The following FHIP1A variants were observed in gnomAD, a reference collection of about 807,000 sequenced individuals.
FHIP1A encodes the protein FHF complex subunit HOOK-interacting protein 1A.
A neutral mutation model predicts 88.6 loss-of-function variants in FHIP1A; 61 were observed. The observed-to-expected ratio is 0.69, with a 90% confidence interval of 0.56 to 0.85. FHIP1A has a LOEUF of 0.85. Ranked by LOEUF, FHIP1A falls within the 40% of genes least tolerant of loss-of-function variation. The probability of loss-of-function intolerance (pLI) is 0.00; values close to 1 mark genes in which losing one functional copy is unlikely to be tolerated. For missense variants in FHIP1A, 1,154 were observed against 1,273.5 expected, an observed-to-expected ratio of 0.91 and a Z score of 1.43; for synonymous variants, 478 against 496.0, an observed-to-expected ratio of 0.96 and a Z score of 0.48.
rs2126937977 is a variant in FHIP1A at position 151,664,830 on chromosome 4, A to T, written c.*2076A>T. On this transcript the variant is annotated 3_prime_UTR_variant, in exon 14 of 14. Transcript: ENST00000435205. ...TGTAGTTTGATTTACACCTTTCTCCATTATCTGGTGGTGGTGTTGATTCTT... is the reference window on the plus strand; with the variant it reads ...TGTAGTTTGATTTACACCTTTCTCCTTTATCTGGTGGTGGTGTTGATTCTT... 6.6e-6 allele frequency among the ~76,000 whole-genome samples: 1 copy of T among 152,194 alleles called. No homozygotes were observed. The highest frequency in any genetic ancestry group is 2.4e-5 in the African/African-American group (1 of 41,510).
At position 151,666,881 on chromosome 4, in the gene FHIP1A, G is replaced by C. The variant is rs1452893872; in HGVS notation, c.*4127G>C. Among the ~76,000 whole-genome samples, 3 of 152,206 alleles carry C rather than the reference G, an allele frequency of 2.0e-5. No individual in the cohort carries two copies. Among genetic ancestry groups the C allele is most frequent in the African/African-American group, 4.8e-5 (2 of 41,438 alleles). Reference sequence around the variant, plus strand: ...CTTGACATAATAGTTTTGGTAAACTGTCTTTATCTGGCTGCACCCCCTTTT... The same window carrying C: ...CTTGACATAATAGTTTTGGTAAACTCTCTTTATCTGGCTGCACCCCCTTTT... On this transcript the variant is annotated 3_prime_UTR_variant, in exon 14 of 14. Transcript: ENST00000435205.
intron 2 of FHIP1A, among the ~76,000 whole-genome samples, chr4:151,466,740 C>G (rs1729327786): frequency 6.6e-6 from 1 of 152,156 alleles, no homozygotes; most frequent in South Asian, 2.1e-4. Context: ...AAAAGATCCC[C>G]TACTTAATAA....
rs529750088 is a variant in FHIP1A at position 151,409,197 on chromosome 4, C to A, written c.-624C>A. The A allele has an allele frequency of 1.3e-5, 2 of 151,446 alleles. No individual in the cohort carries two copies. Among genetic ancestry groups the A allele is most frequent in the African/African-American group, 4.8e-5 (2 of 41,348 alleles). The allele number at this position is 151,446 out of a possible 1,614,324, so 9.4% of individuals were successfully genotyped here. ...AGGCAGTGACCCACGCGCCTCAGCC[C>A]GCGGCTGACGCACCTTCGAAAAGTT... is the stretch of plus-strand genomic sequence containing the variant. On this transcript the variant is annotated 5_prime_UTR_variant, in exon 1 of 14. Coordinates refer to ENST00000435205, the MANE Select transcript of FHIP1A (RefSeq NM_001109977.3).
At chr4:151,570,452 C>G (rs1452617509) in intron 4 of FHIP1A, among the ~76,000 whole-genome samples, 1 of 144,960 alleles carries the variant, frequency 6.9e-6, no homozygotes, top group Non-Finnish European at 1.6e-5. Flanking sequence ...AATTTAATTA[C>G]TTATATTTTT....
chr4:151,619,292 A>C (rs181943650), intron 7 of FHIP1A, among the ~76,000 whole-genome samples: 1 of 152,340 alleles, frequency 6.6e-6, no homozygotes, highest in East Asian at 1.9e-4. Context: ...TTAACTTAAA[A>C]AATTAAATGT....
At chr4:151,653,024 A>G (rs1737089416) in intron 11 of FHIP1A, among the ~76,000 whole-genome samples, 1 of 152,210 alleles carries the variant, frequency 6.6e-6, no homozygotes, top group African/African-American at 2.4e-5. Flanking sequence ...GGTTGGTGCC[A>G]GGAAAAACAA....
intron 7 of FHIP1A, among the ~76,000 whole-genome samples, chr4:151,591,124 G>C (rs1179909928): frequency 1.3e-5 from 2 of 151,264 alleles, no homozygotes; most frequent in Non-Finnish European, 2.9e-5. Flanking sequence ...AGGATGAATA[G>C]GGTTAGGGAC....
At chr4:151,414,117 C>T (rs1732792993) in intron 1 of FHIP1A, among the ~76,000 whole-genome samples, 1 of 151,744 alleles carries the variant, frequency 6.6e-6, no homozygotes. Flanking sequence ...GTGGTGCAAT[C>T]TCGGCTCACT....
chr4:151,530,523 A>C (rs1393994829), intron 3 of FHIP1A, among the ~76,000 whole-genome samples: 2 of 152,200 alleles, frequency 1.3e-5, no homozygotes, highest in Middle Eastern at 3.2e-3. Flanking sequence ...AAGAGAAGGC[A>C]AGTTTTCTGT....
chr4:151,564,989 C>T (rs1733327170), intron 3 of FHIP1A, among the ~76,000 whole-genome samples: 2 of 152,146 alleles, frequency 1.3e-5, no homozygotes, highest in Non-Finnish European at 1.5e-5. Context: ...CCCACTTTCT[C>T]CCATCTTACT....
At position 151,477,240 on chromosome 4, in the gene FHIP1A, C is replaced by T. The variant is rs371803158; in HGVS notation, c.-247-5284C>T. 1.6e-4 allele frequency among the ~76,000 whole-genome samples: 24 copies of T among 152,278 alleles called. 1 individual carries two copies. Among genetic ancestry groups the T allele is most frequent in the Admixed American group, 1.1e-3 (17 of 15,282 alleles). On this transcript the variant is annotated intron_variant, in intron 2 of 13. Coordinates refer to ENST00000435205, the MANE Select transcript of FHIP1A (RefSeq NM_001109977.3). ...TGGTATTGCCAGATACCATATTTAG[C>T]ATACAATAAAGGTGGTATTTCAAAT...
chr4:151,544,692 C>T (rs1732419560), intron 3 of FHIP1A, among the ~76,000 whole-genome samples: 2 of 152,068 alleles, frequency 1.3e-5, no homozygotes, highest in Admixed American at 6.6e-5. Flanking sequence ...GGCTGTGTGG[C>T]CTTTCCCCTC....
At chr4:151,583,530 C>A (rs1163584037) in intron 5 of FHIP1A, among the ~76,000 whole-genome samples, 1 of 152,168 alleles carries the variant, frequency 6.6e-6, no homozygotes, top group Non-Finnish European at 1.5e-5. Context: ...ATTACTGTCA[C>A]TGATGTATGT....
Position 151,474,041 on chromosome 4 carries a change from T to C in FHIP1A, c.-247-8483T>C, listed in dbSNP as rs547833841. Among the ~76,000 whole-genome samples, 3 of 152,338 alleles carry C rather than the reference T, an allele frequency of 2.0e-5. No homozygotes were observed. The South Asian group carries it at 6.2e-4, about 32-fold the overall frequency. ...GGTTGATGTATTTTAAGCAGTTGAA[T>C]ATATTTTCCATAAATTTTACTGCTT... On this transcript the variant is annotated intron_variant, in intron 2 of 13. Transcript: ENST00000435205.
chr4:151,578,511 T>A (rs115231137), intron 5 of FHIP1A, among the ~76,000 whole-genome samples: 307 of 152,270 alleles, frequency 2.0e-3, no homozygotes, highest in Admixed American at 3.3e-3. Context: ...CCACTAGTTT[T>A]AGTGTATTTT....
chr4:151,614,153 A>G (rs1735426762), intron 7 of FHIP1A, among the ~76,000 whole-genome samples: 1 of 136,212 alleles, frequency 7.3e-6, no homozygotes, highest in Admixed American at 7.8e-5. Flanking sequence ...ACAGAGCAAG[A>G]CTCCATCTCA....
At chr4:151,473,402 G>A (rs1729595088) in intron 2 of FHIP1A, among the ~76,000 whole-genome samples, 1 of 151,676 alleles carries the variant, frequency 6.6e-6, no homozygotes, top group African/African-American at 2.4e-5. Flanking sequence ...CTGAACTGGT[G>A]CAGTTGTCAT....
At chr4:151,456,194 T>G (rs1728961918) in intron 2 of FHIP1A, among the ~76,000 whole-genome samples, 1 of 152,206 alleles carries the variant, frequency 6.6e-6, no homozygotes, top group Non-Finnish European at 1.5e-5. Context: ...TATTAGAAAA[T>G]CTCCATCACC....
intron 7 of FHIP1A, among the ~76,000 whole-genome samples, chr4:151,626,977 T>G (rs1735977526): frequency 6.6e-6 from 1 of 152,174 alleles, no homozygotes; most frequent in Admixed American, 6.5e-5. Context: ...TTTGGGGGGA[T>G]TAGAGGAAGT....
Sources: gnomAD v4.1 joint callset for allele counts (sites outside exome capture counted in the v4.1 genomes callset) on GRCh38, gnomAD v4.1.1 for gene constraint, MANE v1.5 for transcripts, NCBI Gene and HGNC (gene_info 2026-07-23, HGNC 2026-07-21) for gene names.